Variants in UGT2A1 observed in about 807,000 individuals in gnomAD.
UGT2A1 encodes the protein UDP-glucuronosyltransferase 2A1.
A neutral mutation model predicts 45.4 loss-of-function variants in UGT2A1; 61 were observed. The ratio of observed to expected loss-of-function variants is 1.34; its 90% CI spans 1.09 to 1.66. UGT2A1 has a LOEUF of 1.66. Ranked by LOEUF, UGT2A1 falls within the 40% of genes most tolerant of loss-of-function variation. The pLI is 0.00. For missense variants in UGT2A1, 649 were observed against 574.3 expected (o/e 1.13, Z -1.33); for synonymous variants, 229 against 196.2 (o/e 1.17, Z -1.40).
chr4:69,646,819 G>C, intron 2 of UGT2A1, 111 bp downstream of exon 2: 1 of 719,860 alleles, frequency 1.4e-6, no homozygotes, highest in East Asian at 2.7e-5. Context: ...GTAATATATA[G>C]TACATCAATA....
chr4:69,596,108 A>G (rs1257632271), intron 4 of UGT2A1: 2 of 1,221,138 alleles, frequency 1.6e-6, no homozygotes, highest in Non-Finnish European at 2.1e-6. Context: ...ATTTTAATAT[A>G]TTACACAACG....
At chr4:69,642,279 TGTAATG>T (rs1722080436) in intron 2 of UGT2A1, among the ~76,000 whole-genome samples, 1 of 151,728 alleles carries the variant, frequency 6.6e-6, no homozygotes, top group East Asian at 1.9e-4. Context: ...ACATCTCCAA[TGTAATG>T]CCGGTGGCTG....
intron 2 of UGT2A1, among the ~76,000 whole-genome samples, chr4:69,644,021 T>A (rs1199082270): frequency 6.6e-6 from 1 of 151,622 alleles, no homozygotes; most frequent in Non-Finnish European, 1.5e-5. Flanking sequence ...CTGGCATCAG[T>A]AAGAATATTG....
intron 6 of UGT2A1, among the ~76,000 whole-genome samples, chr4:69,593,521 A>G (rs1718706900): frequency 6.6e-6 from 1 of 151,278 alleles, no homozygotes; most frequent in Non-Finnish European, 1.5e-5. Context: ...GACACAATAT[A>G]TATACACACA....
chr4:69,618,500 G>A (rs1400180725), intron 3 of UGT2A1, among the ~76,000 whole-genome samples: 1 of 151,796 alleles, frequency 6.6e-6, no homozygotes, highest in Non-Finnish European at 1.5e-5. Flanking sequence ...TATTTCTGCT[G>A]CCAAAAATAA....
chr4:69,595,281 A>G, intron 4 of UGT2A1, 32 bp from the exon 5 acceptor site: 1 of 1,609,618 alleles, frequency 6.2e-7, no homozygotes, highest in African/African-American at 1.3e-5. Flanking sequence ...TTTTGCAAGG[A>G]AAAACACAAT....
intron 3 of UGT2A1, among the ~76,000 whole-genome samples, chr4:69,617,898 C>T (rs1720495822): frequency 1.3e-5 from 2 of 151,768 alleles, no homozygotes; most frequent in African/African-American, 4.8e-5. Context: ...AGAAACAAAA[C>T]CGACACAGTA....
At chr4:69,605,788 T>C (rs550322414) in intron 3 of UGT2A1, among the ~76,000 whole-genome samples, 1 of 136,738 alleles carries the variant, frequency 7.3e-6, no homozygotes, top group Non-Finnish European at 1.6e-5. Flanking sequence ...GAGAATACTA[T>C]AAACACCTCT....
At chr4:69,643,971 T>G (rs889059883) in intron 2 of UGT2A1, among the ~76,000 whole-genome samples, 6 of 151,670 alleles carry the variant, frequency 4.0e-5, no homozygotes, top group Admixed American at 2.0e-4. Flanking sequence ...GTCAATACTT[T>G]ACTTCTTACC....
At chr4:69,640,916 G>A (rs959687577) in intron 2 of UGT2A1, among the ~76,000 whole-genome samples, 2 of 151,760 alleles carry the variant, frequency 1.3e-5, no homozygotes, top group Non-Finnish European at 2.9e-5. Flanking sequence ...CCCAGTAAAA[G>A]GGGTTTAAAA....
chr4:69,601,930 T>C (rs1719321598), intron 3 of UGT2A1, among the ~76,000 whole-genome samples: 1 of 136,366 alleles, frequency 7.3e-6, no homozygotes. Context: ...ACCATGCAAC[T>C]TGAGAAATTA....
Position 69,647,380 on chromosome 4 carries a change from C to T in UGT2A1, c.265G>A (p.Asp89Asn). Residue 89 changes from aspartate to asparagine, a missense_variant, in exon 2 of 7, where the codon GAC (aspartate) becomes AAC (asparagine). Transcript: ENST00000286604. ...TTTTCCAGCCATGTCAAAACGAAGTCCTTAATTACTCCTTCTATTCTTTCT... is the reference window on the plus strand; with the variant it reads ...TTTTCCAGCCATGTCAAAACGAAGTTCTTAATTACTCCTTCTATTCTTTCT... ...GKERIEGVIK[D>N]FVLTWLENRP... 2 of 1,613,162 alleles carry T rather than the reference C, an allele frequency of 1.2e-6. No individual in the cohort carries two copies. The highest frequency in any genetic ancestry group is 1.7e-5 in the Admixed American group (1 of 59,902).
intron 2 of UGT2A1, among the ~76,000 whole-genome samples, chr4:69,643,865 G>T (rs1379098090): frequency 1.3e-5 from 2 of 151,554 alleles, no homozygotes; most frequent in Admixed American, 1.3e-4. Flanking sequence ...ATTACAAATT[G>T]GAAAGGAGTT....
At chr4:69,626,515 G>C (rs1291951684) in intron 3 of UGT2A1, among the ~76,000 whole-genome samples, 1 of 151,472 alleles carries the variant, frequency 6.6e-6, no homozygotes, top group African/African-American at 2.4e-5. Flanking sequence ...ACAGACTTGA[G>C]GATATTTATT....
chr4:69,622,062 G>T (rs1407903744), intron 3 of UGT2A1, among the ~76,000 whole-genome samples: 1 of 151,740 alleles, frequency 6.6e-6, no homozygotes, highest in East Asian at 1.9e-4. Context: ...TGAGTACTAG[G>T]CTTAATACCT....
intron 4 of UGT2A1, among the ~76,000 whole-genome samples, chr4:69,598,149 G>T (rs2109887477): frequency 6.6e-6 from 1 of 152,152 alleles, no homozygotes; most frequent in African/African-American, 2.4e-5. Flanking sequence ...ACTAGAGCTT[G>T]CCTGCAGCCA....
chr4:69,596,520 A>C, intron 4 of UGT2A1: 1 of 1,240,754 alleles, frequency 8.1e-7, no homozygotes, highest in Non-Finnish European at 1.0e-6. Flanking sequence ...ATGTAGAAAG[A>C]TCTAGTTTCT....
chr4:69,619,082 T>A (rs1720588686), intron 3 of UGT2A1, among the ~76,000 whole-genome samples: 1 of 151,910 alleles, frequency 6.6e-6, no homozygotes, highest in Non-Finnish European at 1.5e-5. Flanking sequence ...AGAAAAAAGT[T>A]TATCAATATT....
intron 3 of UGT2A1, among the ~76,000 whole-genome samples, chr4:69,630,647 CAT>C (rs1274803913): frequency 6.6e-6 from 1 of 152,046 alleles, no homozygotes; most frequent in African/African-American, 2.4e-5. Context: ...TAAAATGAGA[CAT>C]GTACTTTCAA....
Sources: gnomAD v4.1 joint callset for allele counts (sites outside exome capture counted in the v4.1 genomes callset) on GRCh38, gnomAD v4.1.1 for gene constraint, MANE v1.5 for transcripts, NCBI Gene and HGNC (gene_info 2026-07-23, HGNC 2026-07-21) for gene names.